The following CDH8 variants were observed in gnomAD, a reference collection of about 807,000 sequenced individuals.
CDH8 encodes cadherin-8.
CDH8 carries 17 observed loss-of-function variants against 68.1 expected under a neutral mutation model. The observed-to-expected ratio is 0.25, with a 90% CI of 0.17 to 0.37. CDH8 has a LOEUF of 0.37. Ranked by LOEUF, CDH8 falls within the 10% of genes least tolerant of loss-of-function variation. CDH8 has a pLI of 1.00. For missense variants in CDH8, 763 were observed against 999.3 expected (o/e 0.76, Z 3.19); for synonymous variants, 372 against 365.1 (o/e 1.02, Z -0.21).
chr16:61,725,841 T>G (rs2142890771), intron 9 of CDH8: 1 of 151,034 alleles, frequency 6.6e-6, no homozygotes, highest in Non-Finnish European at 1.5e-5. Flanking sequence ...CATGGCTAGA[T>G]GTTTAAAAGT....
At chr16:61,715,608 T>C (rs949292333) in intron 9 of CDH8, among the ~76,000 whole-genome samples, 9 of 151,810 alleles carry the variant, frequency 5.9e-5, no homozygotes, top group African/African-American at 2.2e-4. Context: ...CCTGGCATTT[T>C]GATAAATCTT....
intron 2 of CDH8, among the ~76,000 whole-genome samples, chr16:61,941,960 G>A (rs1215327858): frequency 6.6e-6 from 1 of 151,960 alleles, no homozygotes; most frequent in African/African-American, 2.4e-5. Flanking sequence ...TTTAGTAAAT[G>A]GCCATACCAT....
At chr16:61,894,792 T>A (rs1039608444) in intron 3 of CDH8, among the ~76,000 whole-genome samples, 2 of 152,174 alleles carry the variant, frequency 1.3e-5, no homozygotes, top group African/African-American at 4.8e-5. Context: ...GCCCATCATA[T>A]ACTGACTTCT....
chr16:62,024,473 A>C (rs921276440), intron 1 of CDH8, among the ~76,000 whole-genome samples: 1 of 152,288 alleles, frequency 6.6e-6, no homozygotes, highest in South Asian at 2.1e-4. Context: ...ATTTAAATTC[A>C]TAATAGACAT....
At chr16:61,803,539 A>C (rs994936884) in intron 7 of CDH8, among the ~76,000 whole-genome samples, 19 of 152,198 alleles carry the variant, frequency 1.2e-4, no homozygotes, top group Middle Eastern at 3.4e-3. Flanking sequence ...ATAAAGAGTC[A>C]AGACCCATCA....
chr16:61,740,855 T>C (rs1959852258), intron 8 of CDH8, among the ~76,000 whole-genome samples: 1 of 152,184 alleles, frequency 6.6e-6, no homozygotes, highest in Non-Finnish European at 1.5e-5. Context: ...AAATATTTTC[T>C]ATATGTCTTC....
At chr16:61,923,233 G>C (rs1964400719) in intron 2 of CDH8, among the ~76,000 whole-genome samples, 1 of 152,126 alleles carries the variant, frequency 6.6e-6, no homozygotes, top group Non-Finnish European at 1.5e-5. Flanking sequence ...AAATTAGATA[G>C]CTTGAGGATT....
chr16:61,699,727 A>G (rs906498031), intron 10 of CDH8, among the ~76,000 whole-genome samples: 2 of 152,010 alleles, frequency 1.3e-5, no homozygotes. Context: ...GGCACCCACC[A>G]CCACGCCTGG....
intron 10 of CDH8, among the ~76,000 whole-genome samples, chr16:61,662,488 T>A (rs1396071253): frequency 3.3e-5 from 5 of 151,764 alleles, no homozygotes; most frequent in Non-Finnish European, 7.4e-5. Context: ...TACATTATTT[T>A]AAAAAAAGAA....
intron 4 of CDH8, among the ~76,000 whole-genome samples, chr16:61,847,277 C>A (rs764483855): frequency 1.3e-5 from 2 of 151,962 alleles, no homozygotes; most frequent in Non-Finnish European, 2.9e-5. Context: ...CCATATGGCA[C>A]AAACTCTTTT....
At chr16:61,873,816 G>A (rs972581429) in intron 3 of CDH8, among the ~76,000 whole-genome samples, 12 of 152,282 alleles carry the variant, frequency 7.9e-5, no homozygotes, top group African/African-American at 2.4e-4. Flanking sequence ...AGCACTTTGC[G>A]AAGCCAAGGC....
chr16:61,731,239 T>C (rs1959528407), intron 8 of CDH8, among the ~76,000 whole-genome samples: 1 of 151,622 alleles, frequency 6.6e-6, no homozygotes, highest in Non-Finnish European at 1.5e-5. Flanking sequence ...GTAGATCTGG[T>C]AGATTCACTG....
At chr16:61,683,689 C>A (rs534899836) in intron 10 of CDH8, among the ~76,000 whole-genome samples, 1 of 152,110 alleles carries the variant, frequency 6.6e-6, no homozygotes, top group East Asian at 1.9e-4. Context: ...TCACTAATAT[C>A]TTTGGATGGT....
intron 8 of CDH8, among the ~76,000 whole-genome samples, chr16:61,787,754 T>G (rs1014643905): frequency 1.3e-5 from 2 of 151,234 alleles, no homozygotes; most frequent in Middle Eastern, 3.4e-3. Context: ...TGGAATACTA[T>G]GCAGCCATAA....
intron 8 of CDH8, among the ~76,000 whole-genome samples, chr16:61,741,483 T>C (rs138154789): frequency 7.2e-5 from 11 of 152,292 alleles, no homozygotes; most frequent in African/African-American, 2.6e-4. Context: ...CCATGTTAAC[T>C]TTTGGAAGGT....
chr16:61,841,596 T>A (rs1187088543), intron 4 of CDH8, among the ~76,000 whole-genome samples: 2 of 152,284 alleles, frequency 1.3e-5, no homozygotes, highest in South Asian at 4.1e-4. Flanking sequence ...TAAGACCTAC[T>A]ATTTGATAGC....
intron 3 of CDH8, among the ~76,000 whole-genome samples, chr16:61,881,522 C>T (rs1234590128): frequency 6.6e-6 from 1 of 152,144 alleles, no homozygotes; most frequent in Non-Finnish European, 1.5e-5. Flanking sequence ...TCATCCTAAG[C>T]AAACATATCA....
chr16:61,674,283 T>A (rs921638799), intron 10 of CDH8, among the ~76,000 whole-genome samples: 1 of 151,926 alleles, frequency 6.6e-6, no homozygotes, highest in African/African-American at 2.4e-5. Context: ...TGAAACTCCA[T>A]CTCTACTAAA....
At chr16:61,942,205 G>C (rs1213201326) in intron 2 of CDH8, among the ~76,000 whole-genome samples, 2 of 152,070 alleles carry the variant, frequency 1.3e-5, no homozygotes, top group African/African-American at 4.8e-5. Context: ...TTAGAAAACA[G>C]ACTAAGGAAT....
Sources: allele counts gnomAD v4.1 joint callset (sites outside exome capture counted in the v4.1 genomes callset), GRCh38; gene constraint gnomAD v4.1.1; transcripts MANE v1.5; gene names NCBI Gene and HGNC (gene_info 2026-07-23, HGNC 2026-07-21).